Variants in ZNF85 observed in about 807,000 individuals in gnomAD.
ZNF85 encodes the protein zinc finger protein 85 (HPF4, HTF1).
ZNF85 carries 50 observed loss-of-function variants against 53.9 expected under a neutral mutation model. The observed-to-expected ratio is 0.93, with a 90% CI of 0.74 to 1.17. The LOEUF (loss-of-function observed/expected upper bound fraction) is 1.17, where lower values mean the gene tolerates loss of function less well. Ranked by LOEUF, ZNF85 falls within the 50% of genes most tolerant of loss-of-function variation. The pLI, the probability that ZNF85 is intolerant of heterozygous loss-of-function variation, is 0.00. For missense variants in ZNF85, 747 were observed against 688.5 expected (o/e 1.08, Z -0.95); for synonymous variants, 225 against 226.1 (o/e 1.00, Z 0.04).
chr19:20,938,064 C>T (rs1214642465), intron 3 of ZNF85, among the ~76,000 whole-genome samples: 1 of 152,100 alleles, frequency 6.6e-6, no homozygotes, highest in Non-Finnish European at 1.5e-5. Context: ...GCTTCAGAAC[C>T]CAGACTAGTC....
At chr19:20,938,297 T>C in intron 3 of ZNF85, among the ~76,000 whole-genome samples, 1 of 152,176 alleles carries the variant, frequency 6.6e-6, no homozygotes, top group East Asian at 1.9e-4. Context: ...CTTGAACTTC[T>C]GACGTTAACC....
In ZNF85 at chr19:20,934,868, A is replaced by G. The variant is rs1407885747; in HGVS notation, c.131-81A>G. ...TGTTATAAATTAGTATTTTGGGATT[A>G]ATTTACTAGCTAAGCACATTACTAG... On this transcript the variant is annotated intron_variant, in intron 2 of 3. Coordinates refer to ENST00000328178, the MANE Select transcript of ZNF85 (RefSeq NM_003429.5). 3.8e-6 allele frequency: 3 copies of G among 782,784 alleles called. No homozygotes were observed. The Admixed American group carries it at 9.5e-5, about 25-fold the overall frequency. The allele number at this position is 782,784 out of a possible 1,614,324, so 48.5% of individuals were successfully genotyped here. A position where few individuals can be genotyped will look rare whatever the true frequency, so the allele number is the denominator to read the frequency against.
chr19:20,946,956 C>CAGAA (rs140645637), intron 3 of ZNF85, among the ~76,000 whole-genome samples: 17,099 of 151,616 alleles, frequency 0.11, 996 homozygotes, highest in Middle Eastern at 0.13. Flanking sequence ...TTTTCTGAAA[C>CAGAA]AGACTTACAA....
At chr19:20,931,487 A>G (rs1366784553) in intron 1 of ZNF85, among the ~76,000 whole-genome samples, 3 of 152,184 alleles carry the variant, frequency 2.0e-5, no homozygotes, top group Non-Finnish European at 4.4e-5. Flanking sequence ...GCCAGAATCA[A>G]GTATGAGGTG....
At chr19:20,932,323 C>T (rs11085405) in intron 1 of ZNF85, among the ~76,000 whole-genome samples, 18,891 of 152,022 alleles carry the variant, frequency 0.12, 1,215 homozygotes, top group South Asian at 0.15. Flanking sequence ...ATTGTATTAC[C>T]CCTCCCTAAA....
chr19:20,934,260 C>G (rs571163632), intron 2 of ZNF85, 110 bp downstream of exon 2: 15 of 1,395,058 alleles, frequency 1.1e-5, no homozygotes, highest in Non-Finnish European at 1.5e-5. Context: ...AGTTTCAGAT[C>G]CCTGTTTTCA....
chr19:20,946,098 A>T, intron 3 of ZNF85, among the ~76,000 whole-genome samples: 1 of 150,052 alleles, frequency 6.7e-6, no homozygotes, highest in African/African-American at 2.5e-5. Flanking sequence ...GATTCCATAT[A>T]CTTCTGAGGT....
At chr19:20,939,189 C>T (rs1168270443) in intron 3 of ZNF85, among the ~76,000 whole-genome samples, 1 of 152,106 alleles carries the variant, frequency 6.6e-6, no homozygotes, top group Non-Finnish European at 1.5e-5. Flanking sequence ...ATATTGCAAA[C>T]CAGAGTTTAG....
Position 20,949,344 on chromosome 19 carries a change from A to G in ZNF85, c.830A>G (p.Lys277Arg), listed in dbSNP as rs1323510976. 8 of 1,609,162 alleles carry G rather than the reference A, an allele frequency of 5.0e-6. No homozygotes were observed. Among genetic ancestry groups the G allele is most frequent in the Non-Finnish European group, 6.8e-6 (8 of 1,176,902 alleles). ...CGATTCTCAACTCTTACTACCCATA[A>G]GATAATTCATACTGGAGAGAAACCC... is the stretch of plus-strand genomic sequence containing the variant. ...FNRFSTLTTH[K>R]IIHTGEKPYK... Residue 277 changes from lysine to arginine, a missense_variant, in exon 4 of 4, where the codon AAG becomes AGG. By Grantham distance (26) the Lys-to-Arg change is conservative. Coordinates refer to ENST00000328178, the MANE Select transcript of ZNF85 (RefSeq NM_003429.5).
intron 2 of ZNF85, among the ~76,000 whole-genome samples, 175 bp from the exon 3 acceptor site, chr19:20,934,774 C>T: frequency 7.5e-6 from 1 of 132,912 alleles, no homozygotes; most frequent in Admixed American, 7.6e-5. Flanking sequence ...GAGAGTGAGA[C>T]TCCATCTCAA....
In ZNF85 at chr19:20,949,946, G is replaced by A. The variant is rs776223198; in HGVS notation, c.1432G>A (p.Glu478Lys). 7 of 1,612,548 alleles carry A rather than the reference G, an allele frequency of 4.3e-6. No homozygotes were observed. The highest frequency in any genetic ancestry group is 1.7e-5 in the Admixed American group (1 of 59,912). The change falls in exon 4 of 4, where the codon GAA becomes AAA. Residue 478 changes from glutamate to lysine, a missense_variant. By Grantham distance (56) the Glu-to-Lys change is moderately conservative. Coordinates refer to ENST00000328178, the MANE Select transcript of ZNF85 (RefSeq NM_003429.5). ...TACTAGACATAAGAAAAGTCATACA[G>A]AAGAGAAACCTTACAAATGTGAAGA... ...NLTRHKKSHT[E>K]EKPYKCEECG...
chr19:20,933,013 G>A (rs9917054), intron 1 of ZNF85, among the ~76,000 whole-genome samples: 2,108 of 148,136 alleles, frequency 0.014, 42 homozygotes, highest in African/African-American at 0.049. Context: ...GTGAAACCCC[G>A]TCTCTACTAA....
chr19:20,923,418 T>C lies in ZNF85; in HGVS notation c.3+15T>C. The C allele has an allele frequency of 6.2e-7, 1 of 1,613,974 alleles. No homozygotes were observed. Among genetic ancestry groups the C allele is most frequent in the Non-Finnish European group, 8.5e-7 (1 of 1,179,960 alleles). On this transcript the variant is annotated intron_variant, in intron 1 of 3. Transcript: ENST00000328178. ...GCCTAGAAATGGTGAGAGTGCCAGG[T>C]CCGCCATCCCGAGGGGGAAAGGGGT...
intron 1 of ZNF85, among the ~76,000 whole-genome samples, chr19:20,932,596 T>C (rs764532330): frequency 2.0e-5 from 3 of 152,136 alleles, no homozygotes; most frequent in Non-Finnish European, 4.4e-5. Context: ...AATGTTGAGG[T>C]TCCATCTGTA....
At position 20,949,448 on chromosome 19, in the gene ZNF85, A is replaced by G; in HGVS notation, c.934A>G (p.Lys312Glu). 1 of 1,613,506 alleles carries G rather than the reference A, an allele frequency of 6.2e-7. No individual in the cohort carries two copies. The highest frequency in any genetic ancestry group is 8.5e-7 in the Non-Finnish European group (1 of 1,179,700). The change falls in exon 4 of 4, where the codon AAA (lysine) becomes GAA (glutamate). Residue 312 changes from lysine to glutamate, a missense_variant. Lys to Glu is a moderately conservative substitution (Grantham distance 56, BLOSUM62 1). Coordinates refer to ENST00000328178, the MANE Select transcript of ZNF85 (RefSeq NM_003429.5). ...TTHRKIHTGE[K>E]PYKCEECGKA... Reference sequence around the variant, plus strand: ...CCATAGAAAAATTCATACTGGAGAGAAACCTTACAAATGTGAAGAATGTGG... The same window carrying G: ...CCATAGAAAAATTCATACTGGAGAGGAACCTTACAAATGTGAAGAATGTGG...
At chr19:20,926,778 A>G (rs1972889921) in intron 1 of ZNF85, 1 of 152,146 alleles carries the variant, frequency 6.6e-6, no homozygotes, top group Admixed American at 6.5e-5. Flanking sequence ...GGTCTCACTG[A>G]TGATAAAGTT....
In ZNF85 at chr19:20,947,488, C is replaced by CTTTTT. The variant is rs768097517; in HGVS notation, c.230-1231_230-1227dup. On this transcript the variant is annotated intron_variant, in intron 3 of 3. Transcript: ENST00000328178. ...GTAGGGCATATGCAGTGCCAATACA[C>CTTTTT]TTTTTTTTTTTTTTTTTTTTTTTTT... 6.0e-4 allele frequency among the ~76,000 whole-genome samples: 31 copies of CTTTTT among 51,638 alleles called. 4 individuals are homozygous for CTTTTT. Among genetic ancestry groups the CTTTTT allele is most frequent in the East Asian group, 2.4e-3 (3 of 1,254 alleles). The allele number at this position is 51,638 out of a possible 152,430, so 33.9% of individuals were successfully genotyped here.
chr19:20,945,075 G>A (rs553808437), intron 3 of ZNF85, among the ~76,000 whole-genome samples: 1 of 151,976 alleles, frequency 6.6e-6, no homozygotes, highest in Admixed American at 6.6e-5. Context: ...AAACACTTTT[G>A]AATTTTAAGA....
At chr19:20,923,717 C>G (rs936929869) in intron 1 of ZNF85, among the ~76,000 whole-genome samples, 2 of 152,152 alleles carry the variant, frequency 1.3e-5, no homozygotes, top group Non-Finnish European at 2.9e-5. Context: ...GGGGAGAATC[C>G]TGACTCGGGG....
Sources: gnomAD v4.1 joint callset for allele counts (sites outside exome capture counted in the v4.1 genomes callset) on GRCh38, gnomAD v4.1.1 for gene constraint, MANE v1.5 for transcripts, NCBI Gene and HGNC (gene_info 2026-07-23, HGNC 2026-07-21) for gene names.